PLEKHA5: variants seen among roughly 807,000 people sequenced by gnomAD.
The protein encoded by PLEKHA5 is pleckstrin homology domain containing A5, also known as pleckstrin homology domain-containing family A member 5.
In PLEKHA5, 55 loss-of-function variants were observed where a neutral mutation model predicts 181.9. The observed-to-expected ratio is 0.30, with a 90% CI of 0.24 to 0.38. The LOEUF is 0.38. Among genes scored for constraint, PLEKHA5 ranks in the 10% least tolerant of loss-of-function variants. The pLI is 1.00. For missense variants in PLEKHA5, 1,432 were observed against 1,549.5 expected, an observed-to-expected ratio of 0.92 and a Z score of 1.27; for synonymous variants, 535 against 529.4, an observed-to-expected ratio of 1.01 and a Z score of -0.15.
intron 15 of PLEKHA5, among the ~76,000 whole-genome samples, chr12:19,312,597 C>T (rs568007021): frequency 6.6e-6 from 1 of 152,336 alleles, no homozygotes; most frequent in South Asian, 2.1e-4. Flanking sequence ...GCAGCTTCCT[C>T]ATCTCTCTCA....
At chr12:19,323,410 G>C (rs2091376937) in intron 20 of PLEKHA5, among the ~76,000 whole-genome samples, 1 of 151,996 alleles carries the variant, frequency 6.6e-6, no homozygotes, top group South Asian at 2.1e-4. Flanking sequence ...TAATGAGGCA[G>C]GAGAATCATC....
At chr12:19,157,781 T>A (rs2042097785) in intron 3 of PLEKHA5, among the ~76,000 whole-genome samples, 1 of 152,164 alleles carries the variant, frequency 6.6e-6, no homozygotes, top group Non-Finnish European at 1.5e-5. Flanking sequence ...GGGTCAGCAT[T>A]CTACCCAAAA....
chr12:19,348,455 T>C lies in PLEKHA5; in HGVS notation c.2955T>C (p.Val985=). 6.3e-7 allele frequency: 1 copy of C among 1,582,578 alleles called. No individual in the cohort carries two copies. The highest frequency in any genetic ancestry group is 8.6e-7 in the Non-Finnish European group (1 of 1,166,022). The change falls in exon 25 of 32, where the codon GTT becomes GTC. Residue 985 remains valine (V), a synonymous_variant. Transcript: ENST00000429027. ...SEPELTTVAE[V]DESNGEEKSE... is the part of the protein sequence containing the mutation. The stretch of plus-strand genomic sequence containing the variant: ...CAGAGTTAACAACAGTGGCAGAAGT[T>C]GATGAATCTAATGGAGAAGAAAAAT...
intron 21 of PLEKHA5, 90 bp downstream of exon 21, chr12:19,336,706 A>C: frequency 1.4e-6 from 1 of 690,738 alleles, no homozygotes; most frequent in Non-Finnish European, 2.5e-6. Flanking sequence ...TACCCATAAC[A>C]GTTTTTACAT....
intron 3 of PLEKHA5, among the ~76,000 whole-genome samples, chr12:19,235,522 G>A (rs1055288561): frequency 3.3e-5 from 5 of 152,116 alleles, no homozygotes; most frequent in African/African-American, 1.2e-4. Flanking sequence ...TGTTCTAATT[G>A]CTTGACATGG....
intron 3 of PLEKHA5, among the ~76,000 whole-genome samples, chr12:19,166,305 G>A (rs1251374477): frequency 6.6e-6 from 1 of 152,082 alleles, no homozygotes; most frequent in Non-Finnish European, 1.5e-5. Flanking sequence ...TGACGTCATC[G>A]AAACATACTG....
intron 7 of PLEKHA5, 25 bp from the exon 8 acceptor site, chr12:19,265,725 A>C (rs1366017954): frequency 1.6e-6 from 2 of 1,267,434 alleles, no homozygotes; most frequent in South Asian, 1.3e-5. Flanking sequence ...TTAAAATTCT[A>C]ATCAGATGTT....
rs184929068 is a variant in PLEKHA5, at chr12:19,367,359, G to A, written c.3754+1250G>A. 7.1e-3 allele frequency among the ~76,000 whole-genome samples: 948 copies of A among 134,022 alleles called. 10 individuals are homozygous for A. Among genetic ancestry groups the A allele is most frequent in the African/African-American group, 0.025 (896 of 35,732 alleles). 87.9% of individuals were successfully genotyped at this position (134,022 alleles called of 152,430 possible). A position where few individuals can be genotyped will look rare whatever the true frequency, so the allele number is the denominator to read the frequency against. On this transcript the variant is annotated intron_variant, in intron 30 of 31. Coordinates refer to ENST00000429027, the MANE Select transcript of PLEKHA5 (RefSeq NM_001256470.2). Reference sequence around the variant, plus strand: ...CAATCTCCACCTCCCAGGTTCAAGCGATTCTCCTGCCTCAGCCTCCCAAGT... The same window carrying A: ...CAATCTCCACCTCCCAGGTTCAAGCAATTCTCCTGCCTCAGCCTCCCAAGT...
chr12:19,162,905 C>T (rs780298636), intron 3 of PLEKHA5, among the ~76,000 whole-genome samples: 1 of 152,086 alleles, frequency 6.6e-6, no homozygotes, highest in African/African-American at 2.4e-5. Context: ...AAATCTAAGA[C>T]AGAATTTTAT....
intron 3 of PLEKHA5, among the ~76,000 whole-genome samples, chr12:19,244,664 A>G (rs2063315469): frequency 6.6e-6 from 1 of 152,252 alleles, no homozygotes; most frequent in Non-Finnish European, 1.5e-5. Context: ...CAAATCATAT[A>G]AATGGGTACA....
chr12:19,262,431 G>GTT (rs553069099), intron 7 of PLEKHA5, among the ~76,000 whole-genome samples: 127 of 152,120 alleles, frequency 8.3e-4, no homozygotes, highest in Admixed American at 2.7e-3. Flanking sequence ...TAGAGACGGG[G>GTT]TTTCACCATG....
At chr12:19,165,855 A>T (rs2044243788) in intron 3 of PLEKHA5, among the ~76,000 whole-genome samples, 1 of 152,180 alleles carries the variant, frequency 6.6e-6, no homozygotes, top group African/African-American at 2.4e-5. Context: ...CGCAAAAGGG[A>T]AAGTACAGTA....
chr12:19,295,364 TATA>T (rs2152872516), intron 15 of PLEKHA5, among the ~76,000 whole-genome samples: 1 of 152,272 alleles, frequency 6.6e-6, no homozygotes, highest in Admixed American at 6.5e-5. Context: ...CCTAACAGAA[TATA>T]ATAGGGATGG....
In PLEKHA5 at chr12:19,287,500, G is replaced by T; in HGVS notation, c.1807G>T (p.Val603Leu). 1 of 1,611,420 alleles carries T rather than the reference G, an allele frequency of 6.2e-7. No homozygotes were observed. The highest frequency in any genetic ancestry group is 8.5e-7 in the Non-Finnish European group (1 of 1,178,076). ...TGTCTATGTGCCTGACAGAAGGTCA[G>T]TGCCAGCTGGCCTGACTTTACAGTC... Reference protein sequence around the residue: ...KHVYVPDRRSVPAGLTLQSVS... With the variant: ...KHVYVPDRRSLPAGLTLQSVS... Residue 603 changes from valine (V) to leucine (L), a missense_variant, in exon 13 of 32, where the codon GTG becomes TTG. By Grantham distance (32) the Val-to-Leu change is conservative (BLOSUM62 1). Coordinates refer to ENST00000429027, the MANE Select transcript of PLEKHA5 (RefSeq NM_001256470.2).
At chr12:19,318,944 C>G in intron 16 of PLEKHA5, among the ~76,000 whole-genome samples, 1 of 152,156 alleles carries the variant, frequency 6.6e-6, no homozygotes, top group Admixed American at 6.6e-5. Flanking sequence ...ATTAAGCAAA[C>G]TATATTTGAA....
At chr12:19,354,354 C>A (rs977261803) in intron 26 of PLEKHA5, among the ~76,000 whole-genome samples, 3 of 147,054 alleles carry the variant, frequency 2.0e-5, no homozygotes, top group Non-Finnish European at 3.0e-5. Flanking sequence ...GGGGTTTCAC[C>A]GTGTTAGCCA....
chr12:19,325,839 C>G (rs2091966448), intron 20 of PLEKHA5, among the ~76,000 whole-genome samples: 1 of 150,642 alleles, frequency 6.6e-6, no homozygotes, highest in Non-Finnish European at 1.5e-5. Flanking sequence ...GAAACCCCAC[C>G]TCTACTAAAA....
intron 15 of PLEKHA5, among the ~76,000 whole-genome samples, chr12:19,295,008 T>G (rs908110696): frequency 2.0e-5 from 3 of 152,228 alleles, no homozygotes; most frequent in African/African-American, 4.8e-5. Context: ...TTGTTTATGC[T>G]TCCATAGCCC....
rs2033132025 is a variant in PLEKHA5, at chr12:19,130,264, C to T, written c.169+134C>T. On this transcript the variant is annotated intron_variant, in intron 2 of 31. Coordinates refer to ENST00000429027, the MANE Select transcript of PLEKHA5 (RefSeq NM_001256470.2). The surrounding 1 kb of genome is among the most constrained non-coding windows in gnomAD (Gnocchi z 4.5). ...AGGCGGGGCGGAGGCCGGGCGGGAGCGGCCGCAGGTAGAGGGGCCACGGGG... is the reference window on the plus strand; with the variant it reads ...AGGCGGGGCGGAGGCCGGGCGGGAGTGGCCGCAGGTAGAGGGGCCACGGGG... 2 of 395,918 alleles carry T rather than the reference C, an allele frequency of 5.1e-6. No homozygotes were observed. Among genetic ancestry groups the T allele is most frequent in the East Asian group, 4.5e-5 (1 of 22,186 alleles). 24.5% of individuals were successfully genotyped at this position (395,918 alleles called of 1,614,324 possible).
Sources: allele counts gnomAD v4.1 joint callset (sites outside exome capture counted in the v4.1 genomes callset), GRCh38; gene constraint gnomAD v4.1.1; non-coding constraint Gnocchi (gnomAD v3.1); transcripts MANE v1.5; gene names NCBI Gene and HGNC (gene_info 2026-07-23, HGNC 2026-07-21).